GPD2: variants seen among roughly 807,000 people sequenced by gnomAD.
The protein encoded by GPD2 is glycerol-3-phosphate dehydrogenase, mitochondrial.
In GPD2, 54 loss-of-function variants were observed where a neutral mutation model predicts 82.4. The ratio of observed to expected loss-of-function variants is 0.66; its 90% CI spans 0.53 to 0.82. GPD2 has a LOEUF of 0.82. Among genes scored for constraint, GPD2 ranks in the 40% least tolerant of loss-of-function variants. GPD2 has a pLI of 0.00. For missense variants in GPD2, 748 were observed against 896.2 expected (o/e 0.83, Z 2.11); for synonymous variants, 288 against 306.1 (o/e 0.94, Z 0.62).
intron 6 of GPD2, among the ~76,000 whole-genome samples, chr2:156,528,393 A>C (rs1212955612): frequency 1.3e-5 from 2 of 151,320 alleles, no homozygotes; most frequent in African/African-American, 4.9e-5. Flanking sequence ...TCTCCACTCA[A>C]TTATGTCAAT....
intron 1 of GPD2, among the ~76,000 whole-genome samples, chr2:156,475,436 C>T (rs936019161): frequency 5.3e-5 from 8 of 152,118 alleles, no homozygotes; most frequent in Non-Finnish European, 4.4e-5. Flanking sequence ...TCAGGCGATT[C>T]TCCTGCCTCA....
chr2:156,580,490 A>G (rs1038041230), intron 16 of GPD2, among the ~76,000 whole-genome samples: 1 of 152,228 alleles, frequency 6.6e-6, no homozygotes, highest in African/African-American at 2.4e-5. Flanking sequence ...CTAACTGTCC[A>G]TATGACTCTG....
intron 6 of GPD2, among the ~76,000 whole-genome samples, chr2:156,529,697 T>C (rs1264938910): frequency 6.6e-6 from 1 of 151,164 alleles, no homozygotes; most frequent in Non-Finnish European, 1.5e-5. Context: ...AAATAGGGAA[T>C]CCTTTCCCCA....
At chr2:156,406,805 C>G in the GPD2 span, among the ~76,000 whole-genome samples, 1 of 152,198 alleles carries the variant, frequency 6.6e-6, no homozygotes, top group Non-Finnish European at 1.5e-5. Context: ...CTTCCTAAAG[C>G]TCTTTCTTCT....
the GPD2 span, among the ~76,000 whole-genome samples, chr2:156,424,212 A>AC: frequency 5.9e-5 from 9 of 151,980 alleles, no homozygotes; most frequent in Admixed American, 4.6e-4. Context: ...GAAAAAAAAA[A>AC]AACACTATAA....
the GPD2 span, among the ~76,000 whole-genome samples, chr2:156,409,198 G>A: frequency 6.6e-6 from 1 of 152,166 alleles, no homozygotes; most frequent in Admixed American, 6.6e-5. Flanking sequence ...AAATTTCTAA[G>A]CCACACAATT....
At chr2:156,489,504 C>G (rs113176098) in intron 2 of GPD2, among the ~76,000 whole-genome samples, 2 of 152,158 alleles carry the variant, frequency 1.3e-5, no homozygotes, top group Non-Finnish European at 2.9e-5. Flanking sequence ...CTCTTGTAGC[C>G]TCTTTTCTAT....
At chr2:156,501,854 C>T (rs1378231477) in intron 3 of GPD2, 2 of 169,178 alleles carry the variant, frequency 1.2e-5, no homozygotes, top group African/African-American at 4.8e-5. Context: ...ATTTACTAGA[C>T]TGATTTTGAA....
intron 13 of GPD2, among the ~76,000 whole-genome samples, chr2:156,575,130 T>C (rs1278916190): frequency 6.6e-6 from 1 of 152,176 alleles, no homozygotes; most frequent in African/African-American, 2.4e-5. Flanking sequence ...ATCAGCTTAC[T>C]GTTGAACTTT....
intron 13 of GPD2, among the ~76,000 whole-genome samples, chr2:156,577,457 A>G (rs1687866049): frequency 6.6e-6 from 1 of 152,194 alleles, no homozygotes; most frequent in South Asian, 2.1e-4. Flanking sequence ...ACTACACTCC[A>G]GTCTGGGTGA....
the GPD2 span, among the ~76,000 whole-genome samples, chr2:156,425,459 C>G: frequency 6.6e-6 from 1 of 152,164 alleles, no homozygotes; most frequent in Non-Finnish European, 1.5e-5. Context: ...AGTTTTACCC[C>G]AGATCAGACC....
At chr2:156,535,986 A>G (rs1037758222) in intron 6 of GPD2, among the ~76,000 whole-genome samples, 1 of 152,230 alleles carries the variant, frequency 6.6e-6, no homozygotes, top group African/African-American at 2.4e-5. Flanking sequence ...CCAATCCCCT[A>G]TCAGGATATT....
chr2:156,435,160 A>C (rs1688389528), upstream of GPD2: 1 of 152,206 alleles, frequency 6.6e-6, no homozygotes, highest in Non-Finnish European at 1.5e-5. Context: ...TAAGGACATT[A>C]AATGAGTGAC....
intron 6 of GPD2, among the ~76,000 whole-genome samples, chr2:156,546,694 A>G (rs1289435026): frequency 1.3e-5 from 2 of 152,188 alleles, no homozygotes; most frequent in Admixed American, 1.3e-4. Context: ...TTCCCTGCAA[A>G]GCAAGGGATA....
the GPD2 span, among the ~76,000 whole-genome samples, chr2:156,409,524 C>T: frequency 2.4e-3 from 369 of 151,734 alleles, 4 homozygotes; most frequent in Non-Finnish European, 3.8e-3. Context: ...AGGCAGACCC[C>T]CCAACTCCAC....
chr2:156,544,191 T>C (rs780559077), intron 6 of GPD2, among the ~76,000 whole-genome samples: 1 of 152,200 alleles, frequency 6.6e-6, no homozygotes, highest in Admixed American at 6.5e-5. Flanking sequence ...GTTGGCTGTC[T>C]GTCAGCTGAA....
At chr2:156,437,680 C>A (rs1008742489) in intron 1 of GPD2, among the ~76,000 whole-genome samples, 18 of 152,166 alleles carry the variant, frequency 1.2e-4, no homozygotes, top group African/African-American at 4.3e-4. Flanking sequence ...TTCATTGCAA[C>A]TGTCCATTCT....
At chr2:156,534,312 C>T (rs979423971) in intron 6 of GPD2, among the ~76,000 whole-genome samples, 6 of 152,180 alleles carry the variant, frequency 3.9e-5, no homozygotes, top group African/African-American at 1.2e-4. Flanking sequence ...TGCTCATCTG[C>T]TCGAGGAGCC....
intron 6 of GPD2, 38 bp downstream of exon 6, chr2:156,513,534 T>G (rs752398548): frequency 4.0e-6 from 6 of 1,517,184 alleles, no homozygotes; most frequent in Non-Finnish European, 5.5e-6. Flanking sequence ...CACAAGATAC[T>G]TTTCTCTCAC....
Sources: allele counts gnomAD v4.1 joint callset (sites outside exome capture counted in the v4.1 genomes callset), GRCh38; gene constraint gnomAD v4.1.1; transcripts MANE v1.5; gene names NCBI Gene and HGNC (gene_info 2026-07-23, HGNC 2026-07-21).